Variants in KCNQ5 observed in about 807,000 individuals in gnomAD.
KCNQ5 encodes the protein potassium voltage-gated channel subfamily KQT member 5.
In KCNQ5, 30 loss-of-function variants were observed where a neutral mutation model predicts 98.2. That is an observed-to-expected ratio of 0.31 (90% confidence interval 0.23 to 0.41). The LOEUF is 0.41. Among genes scored for constraint, KCNQ5 ranks in the 10% least tolerant of loss-of-function variants. The pLI is 1.00. For missense variants in KCNQ5, 835 were observed against 1,182.5 expected, an observed-to-expected ratio of 0.71 and a Z score of 4.31; for synonymous variants, 458 against 449.4, an observed-to-expected ratio of 1.02 and a Z score of -0.24.
At chr6:73,049,577 C>A (rs773499988) in intron 3 of KCNQ5, among the ~76,000 whole-genome samples, 1 of 152,030 alleles carries the variant, frequency 6.6e-6, no homozygotes, top group African/African-American at 2.4e-5. Flanking sequence ...TAGTATAATC[C>A]GTTTAATCTA....
chr6:73,093,137 G>A (rs1323922311), intron 5 of KCNQ5, among the ~76,000 whole-genome samples: 6 of 152,060 alleles, frequency 3.9e-5, no homozygotes, highest in African/African-American at 1.4e-4. Flanking sequence ...AACTAGGAGG[G>A]TTGTATTTTT....
At chr6:73,105,567 A>C (rs970081255) in intron 6 of KCNQ5, among the ~76,000 whole-genome samples, 200 bp downstream of exon 6, 2 of 152,220 alleles carry the variant, frequency 1.3e-5, no homozygotes, top group African/African-American at 4.8e-5. Context: ...ACTTAATCTG[A>C]GACTTTATTT....
chr6:73,154,386 G>A (rs1298348355), intron 10 of KCNQ5, among the ~76,000 whole-genome samples: 1 of 152,194 alleles, frequency 6.6e-6, no homozygotes, highest in Admixed American at 6.5e-5. Flanking sequence ...TGTCAGTTTG[G>A]AAAAGGTGAT....
At chr6:72,810,754 A>G (rs917252453) in intron 1 of KCNQ5, among the ~76,000 whole-genome samples, 1 of 152,002 alleles carries the variant, frequency 6.6e-6, no homozygotes, top group African/African-American at 2.4e-5. Flanking sequence ...ATGCTTAGTC[A>G]TTACTTTGGG....
Position 72,753,502 on chromosome 6 carries a change from A to G in KCNQ5, c.398+130915A>G, listed in dbSNP as rs564292449. 9.2e-5 allele frequency among the ~76,000 whole-genome samples: 14 copies of G among 152,232 alleles called. No individual in the cohort carries two copies. The East Asian group carries it at 2.7e-3, about 29-fold the overall frequency. Reference sequence around the variant, plus strand: ...ATAGTAAGTGTATATTCAACTTTATAAGAAAATGCCAAATGTTTTCCAAAG... The same window carrying G: ...ATAGTAAGTGTATATTCAACTTTATGAGAAAATGCCAAATGTTTTCCAAAG... On this transcript the variant is annotated intron_variant, in intron 1 of 13. Transcript: ENST00000370398.
At chr6:72,894,941 T>A (rs1779186965) in intron 1 of KCNQ5, among the ~76,000 whole-genome samples, 1 of 151,122 alleles carries the variant, frequency 6.6e-6, no homozygotes, top group South Asian at 2.1e-4. Flanking sequence ...TAGCTGGGAG[T>A]GTCCATGAGC....
chr6:72,960,533 G>A (rs138764428), intron 1 of KCNQ5, among the ~76,000 whole-genome samples: 14,723 of 152,088 alleles, frequency 0.097, 835 homozygotes, highest in East Asian at 0.23. Flanking sequence ...GAGTTCAAGT[G>A]ATTCTCCTGC....
At chr6:72,755,614 C>G (rs1771923109) in intron 1 of KCNQ5, among the ~76,000 whole-genome samples, 1 of 152,148 alleles carries the variant, frequency 6.6e-6, no homozygotes, top group South Asian at 2.1e-4. Context: ...CAGGACCTCA[C>G]AGCACATATT....
intron 1 of KCNQ5, among the ~76,000 whole-genome samples, chr6:72,805,706 A>C (rs1481026968): frequency 6.6e-6 from 1 of 152,110 alleles, no homozygotes; most frequent in Non-Finnish European, 1.5e-5. Context: ...TTCTGTGAAG[A>C]ATGTAATTAG....
At chr6:73,146,151 T>G (rs1260412225) in intron 10 of KCNQ5, among the ~76,000 whole-genome samples, 1 of 152,224 alleles carries the variant, frequency 6.6e-6, no homozygotes, top group Non-Finnish European at 1.5e-5. Context: ...ATTCTGCAAT[T>G]TGTAGGGTCA....
chr6:72,983,858 G>A (rs935820499), intron 1 of KCNQ5, among the ~76,000 whole-genome samples: 1 of 152,118 alleles, frequency 6.6e-6, no homozygotes, highest in African/African-American at 2.4e-5. Flanking sequence ...ATGGGGTTTT[G>A]GTGTGGATGT....
At chr6:72,826,262 T>C (rs2150119025) in intron 1 of KCNQ5, among the ~76,000 whole-genome samples, 1 of 152,274 alleles carries the variant, frequency 6.6e-6, no homozygotes, top group Admixed American at 6.5e-5. Flanking sequence ...GATTAGTCAT[T>C]AGATCCCATG....
At chr6:73,175,402 T>C (rs1178399195) in intron 11 of KCNQ5, among the ~76,000 whole-genome samples, 1 of 151,718 alleles carries the variant, frequency 6.6e-6, no homozygotes, top group Non-Finnish European at 1.5e-5. Context: ...TGCCCCCCCC[T>C]TGGCTTCCCT....
At chr6:73,035,455 T>C (rs1254877828) in intron 2 of KCNQ5, among the ~76,000 whole-genome samples, 1 of 152,198 alleles carries the variant, frequency 6.6e-6, no homozygotes, top group Non-Finnish European at 1.5e-5. Context: ...TTTCAGTAAA[T>C]AGCGAGCATT....
chr6:72,736,630 G>C lies in KCNQ5; in HGVS notation c.398+114043G>C, dbSNP rs943115636. On this transcript the variant is annotated intron_variant, in intron 1 of 13. Transcript: ENST00000370398. Reference sequence around the variant, plus strand: ...TTCTCCTGCCTCAGCCTCCCAAGTAGCTGGGACTACAGGCGCCCGCCACCA... The same window carrying C: ...TTCTCCTGCCTCAGCCTCCCAAGTACCTGGGACTACAGGCGCCCGCCACCA... Among the ~76,000 whole-genome samples the C allele has an allele frequency of 5.5e-5, 8 of 145,894 alleles. No individual in the cohort carries two copies. In the East Asian group the frequency reaches 1.6e-3, roughly 30 times the overall value.
chr6:73,008,568 T>C (rs951801511), intron 2 of KCNQ5, among the ~76,000 whole-genome samples: 2 of 152,100 alleles, frequency 1.3e-5, no homozygotes, highest in Non-Finnish European at 2.9e-5. Flanking sequence ...GATGTAATAA[T>C]TATAAACATT....
chr6:72,984,666 C>A (rs991962500), intron 1 of KCNQ5, among the ~76,000 whole-genome samples: 3 of 152,178 alleles, frequency 2.0e-5, no homozygotes, highest in Non-Finnish European at 4.4e-5. Context: ...CTTGTGCTTC[C>A]TGGGTGAGGC....
chr6:72,943,232 A>ACAAG (rs1766387712), intron 1 of KCNQ5, among the ~76,000 whole-genome samples: 2 of 152,224 alleles, frequency 1.3e-5, no homozygotes, highest in Admixed American at 1.3e-4. Flanking sequence ...TGTGCCATAC[A>ACAAG]GAATCTGCAT....
intron 1 of KCNQ5, among the ~76,000 whole-genome samples, chr6:72,819,655 T>C (rs990826154): frequency 2.8e-4 from 42 of 152,304 alleles, no homozygotes; most frequent in African/African-American, 8.9e-4. Context: ...AAAAACTCCT[T>C]TCTCCTATCT....
Sources: allele counts gnomAD v4.1 joint callset (sites outside exome capture counted in the v4.1 genomes callset), GRCh38; gene constraint gnomAD v4.1.1; transcripts MANE v1.5; gene names NCBI Gene and HGNC (gene_info 2026-07-23, HGNC 2026-07-21).